The following GUCY1A2 variants were observed in gnomAD, a reference collection of about 807,000 sequenced individuals.
GUCY1A2 encodes guanylate cyclase soluble subunit alpha-2.
Under a neutral mutation model 63.5 loss-of-function variants are expected in GUCY1A2, and 27 were observed. That is an observed-to-expected ratio of 0.43 (90% CI 0.31 to 0.59). GUCY1A2 has a LOEUF of 0.59. GUCY1A2 is among the 20% of genes least tolerant of loss of function. The pLI is 0.11. For synonymous variants in GUCY1A2, 364 were observed against 343.5 expected (o/e 1.06, Z -0.66); for missense variants, 768 against 913.3 (o/e 0.84, Z 2.05).
intron 4 of GUCY1A2, among the ~76,000 whole-genome samples, chr11:106,908,753 C>G (rs1372618691): frequency 6.6e-6 from 1 of 151,984 alleles, no homozygotes; most frequent in Non-Finnish European, 1.5e-5. Flanking sequence ...ATAGGTACGA[C>G]CAGTTCTTTA....
chr11:106,964,544 T>C (rs1861102221), intron 3 of GUCY1A2, among the ~76,000 whole-genome samples: 1 of 152,208 alleles, frequency 6.6e-6, no homozygotes, highest in Non-Finnish European at 1.5e-5. Context: ...CCTATTTTTA[T>C]CAGCTCAAAA....
At chr11:106,782,354 G>A (rs1449899654) in intron 5 of GUCY1A2, among the ~76,000 whole-genome samples, 1 of 152,214 alleles carries the variant, frequency 6.6e-6, no homozygotes, top group Admixed American at 6.5e-5. Flanking sequence ...TAAGATGTAG[G>A]CAGACAGATA....
At position 106,764,975 on chromosome 11, in the gene GUCY1A2, G is replaced by GGGC. The variant is rs1555028474; in HGVS notation, c.1836+11463_1836+11464insGCC. 1.6e-4 allele frequency among the ~76,000 whole-genome samples: 16 copies of GGGC among 97,134 alleles called. No homozygotes were observed. In the East Asian group the frequency reaches 5.9e-3, roughly 36 times the overall value. 63.7% of individuals were successfully genotyped at this position (97,134 alleles called of 152,430 possible). On this transcript the variant is annotated intron_variant, in intron 6 of 7. Transcript: ENST00000526355. The stretch of plus-strand genomic sequence containing the variant: ...ACTTACTTTGCAGATTTTTTTGGGG[G>GGGC]GGGGTTGGGGGGCAGGAATAAATAG...
At chr11:107,014,063 T>A (rs1861785032) in intron 1 of GUCY1A2, among the ~76,000 whole-genome samples, 1 of 147,938 alleles carries the variant, frequency 6.8e-6, no homozygotes, top group African/African-American at 2.5e-5. Context: ...AAACTTATAA[T>A]ATATGCCATG....
Position 107,018,476 on chromosome 11 carries a change from T to G in GUCY1A2, c.-421A>C, listed in dbSNP as rs1249061327. The G allele has an allele frequency of 6.6e-6, 1 of 151,422 alleles. No individual in the cohort carries two copies. Among genetic ancestry groups the G allele is most frequent in the Non-Finnish European group, 1.5e-5 (1 of 67,670 alleles). The allele number at this position is 151,422 out of a possible 1,614,324, so 9.4% of individuals were successfully genotyped here. A position where few individuals can be genotyped will look rare whatever the true frequency, so the allele number is the denominator to read the frequency against. On this transcript the variant is annotated 5_prime_UTR_variant, in exon 1 of 8. Coordinates refer to ENST00000526355, the MANE Select transcript of GUCY1A2 (RefSeq NM_000855.3). ...AAGGGGAGGCAGAGGCAGAGGCTTC[T>G]GCCGCCTGCGCGCCTATCTCGCCCC...
At chr11:106,801,983 G>A (rs1858610280) in intron 5 of GUCY1A2, among the ~76,000 whole-genome samples, 2 of 152,110 alleles carry the variant, frequency 1.3e-5, no homozygotes, top group Non-Finnish European at 2.9e-5. Context: ...ACAAGTAAAT[G>A]TGAATTCTGT....
chr11:107,015,054 ATAAGG>A (rs1460279356), intron 1 of GUCY1A2, among the ~76,000 whole-genome samples: 1 of 152,252 alleles, frequency 6.6e-6, no homozygotes, highest in East Asian at 1.9e-4. Context: ...GCCAAATAAA[ATAAGG>A]TAAGGACTGC....
intron 4 of GUCY1A2, chr11:106,827,944 G>A: frequency 9.1e-7 from 1 of 1,097,524 alleles, no homozygotes; most frequent in South Asian, 1.3e-5. Flanking sequence ...GCGAGACTCT[G>A]GACTCCAGGA....
intron 6 of GUCY1A2, among the ~76,000 whole-genome samples, chr11:106,772,956 A>T (rs1220596479): frequency 1.3e-5 from 2 of 152,180 alleles, no homozygotes; most frequent in African/African-American, 4.8e-5. Context: ...AACTTAAACT[A>T]GATTTTATTT....
chr11:107,016,364 G>A (rs1278012619), intron 1 of GUCY1A2, among the ~76,000 whole-genome samples: 1 of 152,242 alleles, frequency 6.6e-6, no homozygotes, highest in Non-Finnish European at 1.5e-5. Context: ...TTCAAATTCT[G>A]TCTGCAACAG....
intron 4 of GUCY1A2, among the ~76,000 whole-genome samples, chr11:106,914,799 G>C (rs1468721933): frequency 6.6e-6 from 1 of 151,980 alleles, no homozygotes; most frequent in Non-Finnish European, 1.5e-5. Flanking sequence ...GAAAGACAAA[G>C]AGTAAGTCAC....
At chr11:106,781,791 C>CAGG (rs2135406347) in intron 5 of GUCY1A2, among the ~76,000 whole-genome samples, 2 of 151,658 alleles carry the variant, frequency 1.3e-5, no homozygotes, top group Middle Eastern at 3.4e-3. Flanking sequence ...TAGTCTCGAA[C>CAGG]TCCTGGGCTC....
At chr11:106,849,290 G>C (rs540156642) in intron 4 of GUCY1A2, among the ~76,000 whole-genome samples, 1 of 150,636 alleles carries the variant, frequency 6.6e-6, no homozygotes, top group South Asian at 2.1e-4. Flanking sequence ...TTCGTCTATT[G>C]ACTTACAATT....
At chr11:106,826,731 C>A (rs1260014087) in intron 4 of GUCY1A2, 7 of 1,610,738 alleles carry the variant, frequency 4.3e-6, no homozygotes, top group Admixed American at 1.7e-5. Context: ...CAGCCATGCA[C>A]TTTGCTGCAT....
intron 6 of GUCY1A2, among the ~76,000 whole-genome samples, chr11:106,758,503 T>G (rs746484822): frequency 4.6e-5 from 7 of 152,176 alleles, no homozygotes; most frequent in African/African-American, 1.4e-4. Context: ...CTCCATAGGC[T>G]GCACCCACTG....
Position 106,802,860 on chromosome 11 carries a change from A to C in GUCY1A2, c.1692+7133T>G, listed in dbSNP as rs541708741. On this transcript the variant is annotated intron_variant, in intron 5 of 7. Coordinates refer to ENST00000526355, the MANE Select transcript of GUCY1A2 (RefSeq NM_000855.3). ...TTAACTCCAAAATACTCTACCTCTA[A>C]ATAATATCACATTAAGTAGGGCTTC... Among the ~76,000 whole-genome samples, 4 of 152,248 alleles carry C rather than the reference A, an allele frequency of 2.6e-5. No individual in the cohort carries two copies. In the East Asian group the frequency reaches 7.7e-4, roughly 29 times the overall value.
intron 4 of GUCY1A2, among the ~76,000 whole-genome samples, chr11:106,821,482 C>G (rs1000428755): frequency 2.6e-5 from 4 of 152,134 alleles, no homozygotes; most frequent in African/African-American, 9.7e-5. Context: ...GCTTTTGTCA[C>G]CACACTGTCA....
At chr11:106,908,950 T>C (rs1860252447) in intron 4 of GUCY1A2, among the ~76,000 whole-genome samples, 1 of 152,022 alleles carries the variant, frequency 6.6e-6, no homozygotes, top group Non-Finnish European at 1.5e-5. Flanking sequence ...GGAATTGCTG[T>C]TGTACACAAT....
At chr11:106,913,213 C>T (rs1860319819) in intron 4 of GUCY1A2, among the ~76,000 whole-genome samples, 1 of 152,040 alleles carries the variant, frequency 6.6e-6, no homozygotes, top group African/African-American at 2.4e-5. Context: ...TCTTAGTTCG[C>T]TTGCACTGCT....
Sources: gnomAD v4.1 joint callset for allele counts (sites outside exome capture counted in the v4.1 genomes callset) on GRCh38, gnomAD v4.1.1 for gene constraint, MANE v1.5 for transcripts, NCBI Gene and HGNC (gene_info 2026-07-23, HGNC 2026-07-21) for gene names.